GLYATL2: variants seen among roughly 807,000 people sequenced by gnomAD.
GLYATL2 encodes glycine N-acyltransferase-like protein 2.
Under a neutral mutation model 21.4 loss-of-function variants are expected in GLYATL2, and 25 were observed. The observed-to-expected ratio is 1.17, with a 90% CI of 0.85 to 1.63. GLYATL2 has a LOEUF of 1.63. GLYATL2 is among the 40% of genes most tolerant of loss of function. The pLI, the probability that GLYATL2 is intolerant of heterozygous loss-of-function variation, is 0.00. For synonymous variants in GLYATL2, 114 were observed against 118.2 expected (o/e 0.96, Z 0.23); for missense variants, 361 against 343.3 (o/e 1.05, Z -0.41).
At chr11:58,862,306 A>G (rs1853946436) in intron 1 of GLYATL2, among the ~76,000 whole-genome samples, 1 of 152,178 alleles carries the variant, frequency 6.6e-6, no homozygotes. Context: ...ATTGAATCTT[A>G]TCAAACACTT....
At position 58,856,788 on chromosome 11, in the gene GLYATL2, C is replaced by CACAA. The variant is rs369177017; in HGVS notation, n.61-18421_61-18420insTTGT. ...CAGCTAAAATAGCACCATCAAAACT[C>CACAA]ACTGATCACAGATCACCTTAACAGA... is the stretch of plus-strand genomic sequence containing the variant. On this transcript the variant is annotated intron_variant and non_coding_transcript_variant, in intron 1 of 4. Coordinates refer to the GLYATL2 transcript ENST00000533636. 5.1e-3 allele frequency among the ~76,000 whole-genome samples: 778 copies of CACAA among 152,214 alleles called. 5 individuals are homozygous for CACAA. Among genetic ancestry groups the CACAA allele is most frequent in the African/African-American group, 0.018 (742 of 41,534 alleles).
At chr11:58,879,805 T>C (rs1854300167) in intron 1 of GLYATL2, among the ~76,000 whole-genome samples, 1 of 152,062 alleles carries the variant, frequency 6.6e-6, no homozygotes, top group Admixed American at 6.6e-5. Flanking sequence ...ATTATACGGT[T>C]AAACAGTTTT....
chr11:58,860,878 C>T (rs1230999808), intron 1 of GLYATL2, among the ~76,000 whole-genome samples: 1 of 151,890 alleles, frequency 6.6e-6, no homozygotes, highest in African/African-American at 2.4e-5. Flanking sequence ...GTTTTTTATT[C>T]TGTTAATGTG....
At chr11:58,851,026 C>T (rs1410360376) in intron 1 of GLYATL2, among the ~76,000 whole-genome samples, 2 of 152,210 alleles carry the variant, frequency 1.3e-5, no homozygotes, top group Non-Finnish European at 2.9e-5. Context: ...CTCTCTCTGC[C>T]TTGGCTGCCA....
At chr11:58,906,805 A>G (rs1371352485), upstream of GLYATL2, among the ~76,000 whole-genome samples, 1 of 152,196 alleles carries the variant, frequency 6.6e-6, no homozygotes, top group Non-Finnish European at 1.5e-5. Flanking sequence ...CTGGAGTTTT[A>G]GGAAAGCATT....
chr11:58,899,688 G>A (rs956318041), intron 1 of GLYATL2, among the ~76,000 whole-genome samples: 4 of 152,040 alleles, frequency 2.6e-5, no homozygotes, highest in Admixed American at 2.6e-4. Context: ...AAGCACTCCA[G>A]GAATCACCCA....
At chr11:58,880,258 C>G (rs190891668) in intron 1 of GLYATL2, among the ~76,000 whole-genome samples, 1 of 152,096 alleles carries the variant, frequency 6.6e-6, no homozygotes, top group African/African-American at 2.4e-5. Context: ...GTAGAGAACA[C>G]TTTTATTTGG....
intron 1 of GLYATL2, among the ~76,000 whole-genome samples, chr11:58,875,931 T>A (rs531195155): frequency 6.6e-6 from 1 of 152,338 alleles, no homozygotes; most frequent in South Asian, 2.1e-4. Flanking sequence ...GTACACCAGT[T>A]AGACGTAGGT....
intron 1 of GLYATL2, among the ~76,000 whole-genome samples, chr11:58,883,081 A>T (rs1335051054): frequency 6.6e-6 from 1 of 152,158 alleles, no homozygotes. Context: ...ATTTTTTTCC[A>T]ATTCTGTGAA....
rs75096485 is a variant in GLYATL2 at position 58,834,845 on chromosome 11, G to A, written c.477-8C>T. The A allele has an allele frequency of 1.3e-6, 2 of 1,550,600 alleles. No homozygotes were observed. Among genetic ancestry groups the A allele is most frequent in the Admixed American group, 4.2e-5 (2 of 47,146 alleles). On this transcript the variant is annotated splice_polypyrimidine_tract_variant and splice_region_variant and intron_variant, in intron 5 of 5. Coordinates refer to ENST00000287275, the MANE Select transcript of GLYATL2 (RefSeq NM_145016.4). ...TTTGAAAAGTTTCCTTCCCTGTGAA[G>A]AAAAAGAATTTTACATTTATTCAGC...
upstream of GLYATL2, among the ~76,000 whole-genome samples, chr11:58,904,596 T>C (rs1279602854): frequency 2.0e-5 from 3 of 152,244 alleles, no homozygotes; most frequent in Non-Finnish European, 4.4e-5. Context: ...GTGCCAGTCA[T>C]GTGCACTGCT....
chr11:58,887,030 G>C (rs1397471876), intron 1 of GLYATL2, among the ~76,000 whole-genome samples: 1 of 152,164 alleles, frequency 6.6e-6, no homozygotes, highest in Non-Finnish European at 1.5e-5. Flanking sequence ...TTAATCCATG[G>C]TCCAATTTCT....
At chr11:58,847,997 CTTTTTTTT>C (rs56234893), upstream of GLYATL2, among the ~76,000 whole-genome samples, 20 of 99,648 alleles carry the variant, frequency 2.0e-4, no homozygotes, top group South Asian at 3.6e-4. Context: ...GAGAGAGAGG[CTTTTTTTT>C]TTTTTTTTTT....
At position 58,837,322 on chromosome 11, in the gene GLYATL2, C is replaced by T; in HGVS notation, c.262G>A (p.Val88Ile). 1 of 1,613,956 alleles carries T rather than the reference C, an allele frequency of 6.2e-7. No individual in the cohort carries two copies. The highest frequency in any genetic ancestry group is 2.2e-5 in the East Asian group (1 of 44,860). ...FTKAPDKLEEVLSYSNVISWE... is the reference protein window; with the variant it reads ...FTKAPDKLEEILSYSNVISWE... ...CTGATTACATTGGAGTATGACAGGA[C>T]TTCCTCTAATTTGTCAGGAGCTTTG... Residue 88 changes from valine (V) to isoleucine (I), a missense_variant, in exon 4 of 6, where the codon GTC (valine) becomes ATC (isoleucine). Transcript: ENST00000287275.
At chr11:58,859,748 C>T (rs1853898678) in intron 1 of GLYATL2, among the ~76,000 whole-genome samples, 1 of 152,154 alleles carries the variant, frequency 6.6e-6, no homozygotes, top group African/African-American at 2.4e-5. Context: ...TTTGCAGTCT[C>T]AGGTCCTACC....
At chr11:58,835,580 T>C (rs531304939) in intron 5 of GLYATL2, among the ~76,000 whole-genome samples, 42 of 152,170 alleles carry the variant, frequency 2.8e-4, no homozygotes, top group Non-Finnish European at 5.4e-4. Flanking sequence ...GAAAGAGTTT[T>C]GAGAAGTTTG....
chr11:58,872,017 C>T (rs1433415065), intron 1 of GLYATL2, among the ~76,000 whole-genome samples: 1 of 152,208 alleles, frequency 6.6e-6, no homozygotes, highest in Non-Finnish European at 1.5e-5. Context: ...TTTTGATTTG[C>T]ATTTCTCTGA....
intron 1 of GLYATL2, among the ~76,000 whole-genome samples, chr11:58,885,858 G>A (rs967793825): frequency 6.6e-5 from 10 of 152,082 alleles, no homozygotes; most frequent in South Asian, 2.1e-4. Context: ...GGAAAAGTTC[G>A]GTGTCTGAGA....
chr11:58,883,370 C>G (rs1180659884), intron 1 of GLYATL2, among the ~76,000 whole-genome samples: 1 of 151,930 alleles, frequency 6.6e-6, no homozygotes, highest in African/African-American at 2.4e-5. Context: ...ATGCAATAAA[C>G]AATGATAAAG....
Sources: gnomAD v4.1 joint callset for allele counts (sites outside exome capture counted in the v4.1 genomes callset) on GRCh38, gnomAD v4.1.1 for gene constraint, MANE v1.5 for transcripts, NCBI Gene and HGNC (gene_info 2026-07-23, HGNC 2026-07-21) for gene names.